Variants in ARG2 observed in about 807,000 individuals in gnomAD.
ARG2 encodes the protein arginase 2.
In ARG2, 21 loss-of-function variants were observed where a neutral mutation model predicts 39.4. The observed-to-expected ratio is 0.53, with a 90% CI of 0.38 to 0.77. ARG2 has a LOEUF of 0.77. Among genes scored for constraint, ARG2 ranks in the 30% least tolerant of loss-of-function variants. The pLI is 0.00. For missense variants in ARG2, 378 were observed against 426.2 expected (o/e 0.89, Z 1.00); for synonymous variants, 150 against 156.7 (o/e 0.96, Z 0.32).
At position 67,651,427 on chromosome 14, in the gene ARG2, G is replaced by A. The variant is rs1689239171; in HGVS notation, c.*507G>A. 8 of 1,613,936 alleles carry A rather than the reference G, an allele frequency of 5.0e-6. No homozygotes were observed. Among genetic ancestry groups the A allele is most frequent in the Non-Finnish European group, 5.9e-6 (7 of 1,179,912 alleles). ...ATTTGTAGTAAACCAGGCCTCCCAG[G>A]ATGGCGAGCTCCAGTAAGATGATAA... On this transcript the variant is annotated 3_prime_UTR_variant, in exon 8 of 8. Transcript: ENST00000261783.
rs899379221 is a variant in ARG2 at position 67,651,450 on chromosome 14, T to C, written c.*530T>C. The C allele has an allele frequency of 4.7e-5, 76 of 1,613,750 alleles. No homozygotes were observed. Among genetic ancestry groups the C allele is most frequent in the Non-Finnish European group, 5.4e-5 (64 of 1,179,816 alleles). On this transcript the variant is annotated 3_prime_UTR_variant, in exon 8 of 8. Transcript: ENST00000261783. ...AGGATGGCGAGCTCCAGTAAGATGA[T>C]AATGGAAAGCAGCAGCTTGTTGGTT...
At chr14:67,648,313 A>G in intron 7 of ARG2, 130 bp downstream of exon 7, 1 of 1,033,242 alleles carries the variant, frequency 9.7e-7, no homozygotes, top group East Asian at 2.6e-5. Context: ...TTTTGTAGCT[A>G]AAAATTATAT....
intron 4 of ARG2, 138 bp downstream of exon 4, chr14:67,645,940 C>T: frequency 2.0e-6 from 2 of 998,126 alleles, no homozygotes. Context: ...CTATTATGGA[C>T]CAGGCAGTCT....
chr14:67,650,414 A>T (rs1203420930), intron 7 of ARG2: 2 of 366,068 alleles, frequency 5.5e-6, no homozygotes, highest in Non-Finnish European at 1.0e-5. Context: ...CCCCCACCCA[A>T]CACCAAGCCT....
chr14:67,646,463 T>C, intron 4 of ARG2, 181 bp from the exon 5 acceptor site: 1 of 574,746 alleles, frequency 1.7e-6, no homozygotes, highest in Non-Finnish European at 3.1e-6. Flanking sequence ...TCAGCTGCCC[T>C]TCTGAAACAT....
intron 3 of ARG2, 58 bp downstream of exon 3, chr14:67,642,421 A>T: frequency 6.4e-7 from 1 of 1,564,858 alleles, no homozygotes; most frequent in South Asian, 1.1e-5. Flanking sequence ...GGGGCTCATA[A>T]CTTAGCTTCT....
chr14:67,641,580 TAATC>T (rs1294399446), intron 2 of ARG2, among the ~76,000 whole-genome samples: 1 of 152,238 alleles, frequency 6.6e-6, no homozygotes, highest in Non-Finnish European at 1.5e-5. Flanking sequence ...ATCTTGTAAA[TAATC>T]AATAAATATT....
At chr14:67,628,133 C>G (rs1045346911) in intron 2 of ARG2, among the ~76,000 whole-genome samples, 1 of 152,208 alleles carries the variant, frequency 6.6e-6, no homozygotes, top group Admixed American at 6.5e-5. Context: ...TTAGGGCCCT[C>G]TCCAATCTCA....
intron 2 of ARG2, among the ~76,000 whole-genome samples, chr14:67,641,834 GTACT>G (rs1291805291): frequency 1.3e-5 from 2 of 152,090 alleles, no homozygotes; most frequent in Non-Finnish European, 2.9e-5. Flanking sequence ...TAAATTAATA[GTACT>G]TAATTTCCTT....
At chr14:67,620,130 C>A (rs1482889067) in intron 1 of ARG2, 42 bp downstream of exon 1, 1 of 1,421,728 alleles carries the variant, frequency 7.0e-7, no homozygotes, top group Non-Finnish European at 9.6e-7. Flanking sequence ...GATCCTCCGC[C>A]CCCTAGAACC....
intron 2 of ARG2, among the ~76,000 whole-genome samples, chr14:67,641,871 T>C (rs1438814704): frequency 6.6e-5 from 10 of 152,248 alleles, no homozygotes. Context: ...TTCTTAATTT[T>C]CTTTAAGATT....
At position 67,646,645 on chromosome 14, in the gene ARG2, TACC is replaced by T. The variant is rs780093917; in HGVS notation, c.527_529del (p.Pro176del). ...CCTGTCCATTTCTCCCTTTCATAGG[TACC>T]ACAACTCCCAGGATTTTCCTGGATC... On this transcript the variant is annotated inframe_deletion and splice_region_variant, in exon 5 of 8. Transcript: ENST00000261783. The T allele has an allele frequency of 2.5e-6, 4 of 1,604,986 alleles. No homozygotes were observed. The highest frequency in any genetic ancestry group is 2.6e-6 in the Non-Finnish European group (3 of 1,172,146).
chr14:67,625,895 C>G (rs890910437), intron 2 of ARG2, among the ~76,000 whole-genome samples: 1 of 152,064 alleles, frequency 6.6e-6, no homozygotes, highest in Non-Finnish European at 1.5e-5. Context: ...ATTTAATTAG[C>G]CACTTCTCCA....
chr14:67,634,477 C>T (rs1007921113), intron 2 of ARG2, among the ~76,000 whole-genome samples: 12 of 151,430 alleles, frequency 7.9e-5, no homozygotes, highest in African/African-American at 2.7e-4. Flanking sequence ...TTCTGTAGTC[C>T]CAGCTACTTG....
rs1418638295 is a variant in ARG2, at chr14:67,642,270, G to A, written c.269G>A (p.Arg90His). 10 of 1,613,990 alleles carry A rather than the reference G, an allele frequency of 6.2e-6. No individual in the cohort carries two copies. The highest frequency in any genetic ancestry group is 5.3e-5 in the African/African-American group (4 of 74,900). The part of the protein sequence containing the change: ...DLYNNLIVNP[R>H]SVGLANQELA... ...TACAACAACCTGATAGTGAATCCAC[G>A]CTCAGTGGGTCTTGCCAACCAGGAA... Residue 90 changes from arginine (R) to histidine (H), a missense_variant, in exon 3 of 8, where the codon CGC becomes CAC. Coordinates refer to ENST00000261783, the MANE Select transcript of ARG2 (RefSeq NM_001172.4).
Position 67,619,940 on chromosome 14 carries a change from C to A in ARG2, c.-38C>A. ...CGCTCACTCCCGGCTTCCAACCGCG[C>A]GGAGCCTCTGCCTTGGAGATTCTCA... On this transcript the variant is annotated 5_prime_UTR_variant, in exon 1 of 8. Coordinates refer to ENST00000261783, the MANE Select transcript of ARG2 (RefSeq NM_001172.4). 1.4e-6 allele frequency: 2 copies of A among 1,411,502 alleles called. No individual in the cohort carries two copies. Among genetic ancestry groups the A allele is most frequent in the Non-Finnish European group, 1.9e-6 (2 of 1,049,384 alleles). 87.4% of individuals were successfully genotyped at this position (1,411,502 alleles called of 1,614,324 possible).
At chr14:67,642,081 T>G (rs2037037699) in intron 2 of ARG2, 105 bp from the exon 3 acceptor site, 5 of 1,110,930 alleles carry the variant, frequency 4.5e-6, no homozygotes, top group Non-Finnish European at 6.5e-6. Flanking sequence ...TGTGACAAAA[T>G]GATTATGATG....
chr14:67,651,477 T>C lies in ARG2; in HGVS notation c.*557T>C, dbSNP rs1414439753. ...ATGGAAAGCAGCAGCTTGTTGGTTG[T>C]CACTCTACAAAGAGAAGCAAAGTGG... On this transcript the variant is annotated 3_prime_UTR_variant, in exon 8 of 8. Coordinates refer to ENST00000261783, the MANE Select transcript of ARG2 (RefSeq NM_001172.4). The C allele has an allele frequency of 1.9e-6, 3 of 1,613,716 alleles. No homozygotes were observed. The highest frequency in any genetic ancestry group is 2.5e-6 in the Non-Finnish European group (3 of 1,179,656).
rs765705002 is a variant in ARG2 at position 67,648,032 on chromosome 14, C to G, written c.723-15C>G. The G allele has an allele frequency of 2.5e-6, 4 of 1,592,254 alleles. No homozygotes were observed. Among genetic ancestry groups the G allele is most frequent in the Non-Finnish European group, 3.4e-6 (4 of 1,167,708 alleles). ...AGTATTATTTTAAGTATTATTTTAT[C>G]CTCTTCCTTTTTAGGAGACAAAGAC... is the stretch of plus-strand genomic sequence containing the variant. On this transcript the variant is annotated splice_polypyrimidine_tract_variant and intron_variant, in intron 6 of 7. Transcript: ENST00000261783.
Sources: gnomAD v4.1 joint callset for allele counts (sites outside exome capture counted in the v4.1 genomes callset) on GRCh38, gnomAD v4.1.1 for gene constraint, MANE v1.5 for transcripts, NCBI Gene and HGNC (gene_info 2026-07-23, HGNC 2026-07-21) for gene names.